Variants in AXDND1 observed in about 807,000 individuals in gnomAD.
The protein encoded by AXDND1 is axonemal dynein light chain domain containing 1, also known as axonemal dynein light chain domain-containing protein 1.
A neutral mutation model predicts 137.5 loss-of-function variants in AXDND1; 110 were observed. The ratio of observed to expected loss-of-function variants is 0.80; its 90% confidence interval spans 0.69 to 0.94. The LOEUF (loss-of-function observed/expected upper bound fraction) is 0.94, where lower values mean the gene tolerates loss of function less well. AXDND1 is among the 40% of genes least tolerant of loss of function. The pLI, the probability that AXDND1 is intolerant of heterozygous loss-of-function variation, is 0.00. For missense variants in AXDND1, 1,191 were observed against 1,169.8 expected (o/e 1.02, Z -0.26); for synonymous variants, 414 against 399.7 (o/e 1.04, Z -0.43).
intron 9 of AXDND1, 138 bp downstream of exon 9, chr1:179,385,497 T>G: frequency 9.9e-7 from 1 of 1,006,996 alleles, no homozygotes; most frequent in South Asian, 1.5e-5. Flanking sequence ...CATTTTTTTT[T>G]CTTTTTTGTT....
chr1:179,447,699 C>G (rs1269878624), intron 16 of AXDND1: 2 of 1,345,784 alleles, frequency 1.5e-6, no homozygotes, highest in Non-Finnish European at 2.1e-6. Context: ...GAGGGGGAGA[C>G]TTTGTAGGCA....
chr1:179,377,209 G>C (rs1475809552), intron 4 of AXDND1, among the ~76,000 whole-genome samples: 1 of 152,166 alleles, frequency 6.6e-6, no homozygotes, highest in South Asian at 2.1e-4. Context: ...TGGTGTTACA[G>C]GCATGAGCCA....
rs182273956 is a variant in AXDND1, at chr1:179,449,438, A to C, written c.1798+4234A>C. ...TTACTCTTGCTTTAAAGCAAGTTTCAAAATCGAGAAGTATGAGTCCTCCTA... is the reference window on the plus strand; with the variant it reads ...TTACTCTTGCTTTAAAGCAAGTTTCCAAATCGAGAAGTATGAGTCCTCCTA... On this transcript the variant is annotated intron_variant, in intron 16 of 25. Coordinates refer to ENST00000367618, the MANE Select transcript of AXDND1 (RefSeq NM_144696.6). 140 of 164,080 alleles carry C rather than the reference A, an allele frequency of 8.5e-4. 1 individual carries two copies. The highest frequency in any genetic ancestry group is 1.6e-3 in the Non-Finnish European group (120 of 75,122). The allele number at this position is 164,080 out of a possible 1,614,324, so 10.2% of individuals were successfully genotyped here. A position where few individuals can be genotyped will look rare whatever the true frequency, so the allele number is the denominator to read the frequency against.
chr1:179,528,833 C>G (rs1228285327), intron 23 of AXDND1, among the ~76,000 whole-genome samples: 1 of 151,966 alleles, frequency 6.6e-6, no homozygotes, highest in Non-Finnish European at 1.5e-5. Flanking sequence ...CTCAGGTGAT[C>G]CACCCACCTC....
At chr1:179,378,510 G>A (rs997857815) in intron 4 of AXDND1, 127 bp from the exon 5 acceptor site, 22 of 572,166 alleles carry the variant, frequency 3.8e-5, no homozygotes, top group Non-Finnish European at 5.3e-5. Context: ...TGTTATGTAA[G>A]GAGATCAGTT....
chr1:179,390,427 T>A (rs544653016), intron 9 of AXDND1, among the ~76,000 whole-genome samples: 6 of 152,380 alleles, frequency 3.9e-5, no homozygotes, highest in African/African-American at 1.2e-4. Context: ...AGAAATGACT[T>A]CTTTGTATTA....
intron 25 of AXDND1, among the ~76,000 whole-genome samples, chr1:179,538,616 G>A (rs1483385303): frequency 6.6e-6 from 1 of 152,164 alleles, no homozygotes; most frequent in Non-Finnish European, 1.5e-5. Context: ...TTCCAATTAT[G>A]TGGTCAATTT....
intron 25 of AXDND1, among the ~76,000 whole-genome samples, chr1:179,538,557 CA>C (rs891470879): frequency 1.3e-5 from 2 of 152,134 alleles, no homozygotes; most frequent in African/African-American, 4.8e-5. Context: ...GTCTGAGAGA[CA>C]GTTTGTTGTG....
intron 21 of AXDND1, among the ~76,000 whole-genome samples, chr1:179,512,012 G>A (rs549860779): frequency 1.1e-3 from 164 of 152,256 alleles, no homozygotes; most frequent in Admixed American, 1.3e-3. Context: ...CACTCTGTGC[G>A]TTGTCTGTTT....
At chr1:179,423,828 G>A (rs1397160575) in intron 12 of AXDND1, among the ~76,000 whole-genome samples, 3 of 152,090 alleles carry the variant, frequency 2.0e-5, no homozygotes, top group Non-Finnish European at 4.4e-5. Flanking sequence ...AGCTATTATT[G>A]TTTTTGATAG....
rs187801644 is a variant in AXDND1, at chr1:179,414,435, A to T, written c.1230+3169A>T. ...TCTTTATTTATTTATTTATTTATTT[A>T]TTTTTTTGAGATGGAGTCTCGCTCT... On this transcript the variant is annotated intron_variant, in intron 12 of 25. Transcript: ENST00000367618. Among the ~76,000 whole-genome samples the T allele has an allele frequency of 4.2e-3, 559 of 132,892 alleles. 4 individuals are homozygous for T. Among genetic ancestry groups the T allele is most frequent in the African/African-American group, 0.014 (514 of 35,970 alleles). The allele number at this position is 132,892 out of a possible 152,430, so 87.2% of individuals were successfully genotyped here. A position where few individuals can be genotyped will look rare whatever the true frequency, so the allele number is the denominator to read the frequency against.
At chr1:179,373,893 A>G (rs938442229) in intron 4 of AXDND1, among the ~76,000 whole-genome samples, 8 of 152,232 alleles carry the variant, frequency 5.3e-5, no homozygotes, top group Admixed American at 4.6e-4. Flanking sequence ...AACCAAGGCA[A>G]TACCATTCAG....
intron 4 of AXDND1, among the ~76,000 whole-genome samples, chr1:179,377,588 C>T (rs1012284269): frequency 1.3e-5 from 2 of 152,124 alleles, no homozygotes; most frequent in African/African-American, 4.8e-5. Flanking sequence ...TTTTTTTCTC[C>T]ACTTTTCTGT....
At chr1:179,443,085 T>C (rs1659237044) in intron 15 of AXDND1, among the ~76,000 whole-genome samples, 1 of 152,150 alleles carries the variant, frequency 6.6e-6, no homozygotes, top group Non-Finnish European at 1.5e-5. Flanking sequence ...GTGCTAGATT[T>C]CTCAATAGAT....
chr1:179,492,097 A>G (rs1382466388), intron 19 of AXDND1, among the ~76,000 whole-genome samples: 2 of 152,164 alleles, frequency 1.3e-5, no homozygotes, highest in African/African-American at 4.8e-5. Context: ...TTTTTTAGAC[A>G]GAGTTTTCTT....
intron 11 of AXDND1, among the ~76,000 whole-genome samples, chr1:179,399,941 C>T (rs895008178): frequency 2.0e-5 from 3 of 152,130 alleles, no homozygotes; most frequent in Non-Finnish European, 4.4e-5. Flanking sequence ...GCCATGGATG[C>T]AGTGATTAGG....
intron 12 of AXDND1, among the ~76,000 whole-genome samples, chr1:179,411,859 TA>T (rs1456086837): frequency 7.4e-6 from 1 of 134,822 alleles, no homozygotes; most frequent in Non-Finnish European, 1.6e-5. Flanking sequence ...CTTTTTTTTT[TA>T]AAAAAACAGG....
At chr1:179,447,775 A>G in intron 16 of AXDND1, 3 of 1,333,542 alleles carry the variant, frequency 2.2e-6, no homozygotes, top group South Asian at 2.4e-5. Flanking sequence ...TGAGTTTACA[A>G]ATTCATTCCC....
At chr1:179,481,477 A>C (rs1665374626) in intron 17 of AXDND1, among the ~76,000 whole-genome samples, 1 of 152,212 alleles carries the variant, frequency 6.6e-6, no homozygotes, top group Non-Finnish European at 1.5e-5. Flanking sequence ...AGCATGATTT[A>C]ATAATCCTTT....
Sources: gnomAD v4.1 joint callset for allele counts (sites outside exome capture counted in the v4.1 genomes callset) on GRCh38, gnomAD v4.1.1 for gene constraint, MANE v1.5 for transcripts, NCBI Gene and HGNC (gene_info 2026-07-23, HGNC 2026-07-21) for gene names.